The following MARVELD2 variants were observed in gnomAD, a reference collection of about 807,000 sequenced individuals.
MARVELD2 encodes the protein MARVEL domain-containing protein 2.
MARVELD2 carries 49 observed loss-of-function variants against 57.6 expected under a neutral mutation model. That is an observed-to-expected ratio of 0.85 (90% CI 0.68 to 1.08). The LOEUF is 1.08. Ranked by LOEUF, MARVELD2 falls within the 50% of genes least tolerant of loss-of-function variation. MARVELD2 has a pLI of 0.00. For missense variants in MARVELD2, 606 were observed against 701.1 expected, an observed-to-expected ratio of 0.86 and a Z score of 1.53; for synonymous variants, 238 against 258.8, an observed-to-expected ratio of 0.92 and a Z score of 0.77.
intron 3 of MARVELD2, 108 bp from the exon 4 acceptor site, chr5:69,432,419 G>C: frequency 7.8e-7 from 1 of 1,274,718 alleles, no homozygotes; most frequent in Non-Finnish European, 1.1e-6. Context: ...AGGATTACAG[G>C]TTTGAGCCAC....
intron 5 of MARVELD2, among the ~76,000 whole-genome samples, chr5:69,433,425 T>TC (rs1767033444): frequency 6.6e-6 from 1 of 151,250 alleles, no homozygotes; most frequent in African/African-American, 2.4e-5. Flanking sequence ...GTGCTGGGAT[T>TC]ACAGTCATGA....
At chr5:69,429,306 T>G (rs1425481551) in intron 3 of MARVELD2, among the ~76,000 whole-genome samples, 1 of 152,176 alleles carries the variant, frequency 6.6e-6, no homozygotes, top group Non-Finnish European at 1.5e-5. Context: ...GAGCTAATAT[T>G]AAACCAAAGC....
At chr5:69,419,042 C>T (rs1766513583) in intron 1 of MARVELD2, 1 of 375,354 alleles carries the variant, frequency 2.7e-6, no homozygotes, top group East Asian at 5.9e-5. Flanking sequence ...GTCTATACCT[C>T]AGCCACCTGA....
At chr5:69,430,018 A>G (rs548160878) in intron 3 of MARVELD2, among the ~76,000 whole-genome samples, 1 of 151,956 alleles carries the variant, frequency 6.6e-6, no homozygotes, top group Non-Finnish European at 1.5e-5. Flanking sequence ...TAATCCTCCC[A>G]CCTCAGACTC....
chr5:69,436,359 A>C (rs1370253603), intron 5 of MARVELD2, among the ~76,000 whole-genome samples: 2 of 150,908 alleles, frequency 1.3e-5, no homozygotes, highest in Admixed American at 1.3e-4. Context: ...AAAAAAAACC[A>C]AAAAACAAAC....
intron 1 of MARVELD2, among the ~76,000 whole-genome samples, chr5:69,417,026 A>G (rs1766451101): frequency 6.6e-6 from 1 of 152,208 alleles, no homozygotes; most frequent in Non-Finnish European, 1.5e-5. Flanking sequence ...CAGTTCTACT[A>G]TTCACCTTCT....
Position 69,441,573 on chromosome 5 carries a change from A to G in MARVELD2, c.1596A>G (p.Leu532=). The change falls in exon 7 of 7, where the codon CTA becomes CTG. Residue 532 remains leucine, a synonymous_variant. Transcript: ENST00000325631. ...AAAAAAAAGAACGCTGTGATTACCTAAAGAATAAACTTTCTCACATAAAGC... is the reference window on the plus strand; with the variant it reads ...AAAAAAAAGAACGCTGTGATTACCTGAAGAATAAACTTTCTCACATAAAGC... ...FLEKKERCDY[L]KNKLSHIKQR... 1 of 1,604,938 alleles carries G rather than the reference A, an allele frequency of 6.2e-7. No individual in the cohort carries two copies. The highest frequency in any genetic ancestry group is 8.5e-7 in the Non-Finnish European group (1 of 1,172,042).
rs1456275753 is a variant in MARVELD2 at position 69,432,552 on chromosome 5, G to T, written c.1208G>T (p.Arg403Ile). 48 of 1,614,052 alleles carry T rather than the reference G, an allele frequency of 3.0e-5. No individual in the cohort carries two copies. Among genetic ancestry groups the T allele is most frequent in the Non-Finnish European group, 4.0e-5 (47 of 1,180,040 alleles). Residue 403 changes from arginine to isoleucine, a missense_variant, in exon 4 of 7, where the codon AGA (arginine) becomes ATA (isoleucine). Arg to Ile is a moderately conservative substitution (Grantham distance 97). Coordinates refer to ENST00000325631, the MANE Select transcript of MARVELD2 (RefSeq NM_001038603.3). ...TGTGAAATGGCCACCAGTGGTGACA[G>T]ACAAAGAGACTCAGAAGTTAATTTC... ...KMCEMATSGDRQRDSEVNFKE... is the reference protein window; with the variant it reads ...KMCEMATSGDIQRDSEVNFKE...
intron 1 of MARVELD2, among the ~76,000 whole-genome samples, chr5:69,417,750 C>T (rs551365247): frequency 3.3e-5 from 5 of 151,876 alleles, no homozygotes; most frequent in East Asian, 1.9e-4. Flanking sequence ...AAGATCATCC[C>T]GGCTAACATG....
rs557194555 is a variant in MARVELD2, at chr5:69,425,250, C to G, written c.1182+614C>G. Reference sequence around the variant, plus strand: ...CACACTCTGGGGACTGTGGTGGGGTCGGGGGAGCGGGGAGGGATAGCATTG... The same window carrying G: ...CACACTCTGGGGACTGTGGTGGGGTGGGGGGAGCGGGGAGGGATAGCATTG... On this transcript the variant is annotated intron_variant, in intron 3 of 6. Coordinates refer to ENST00000325631, the MANE Select transcript of MARVELD2 (RefSeq NM_001038603.3). 2.8e-3 allele frequency among the ~76,000 whole-genome samples: 270 copies of G among 97,730 alleles called. 2 individuals are homozygous for G. The highest frequency in any genetic ancestry group is 0.015 in the Middle Eastern group (2 of 136). The allele number at this position is 97,730 out of a possible 152,430, so 64.1% of individuals were successfully genotyped here.
chr5:69,424,238 C>T (rs1766712766), intron 2 of MARVELD2, among the ~76,000 whole-genome samples: 1 of 152,110 alleles, frequency 6.6e-6, no homozygotes, highest in Non-Finnish European at 1.5e-5. Context: ...GATGTAATGG[C>T]CTAGGGCTTT....
At chr5:69,435,752 CAAAAAAAAAA>C (rs35281029) in intron 5 of MARVELD2, among the ~76,000 whole-genome samples, 5 of 64,788 alleles carry the variant, frequency 7.7e-5, no homozygotes, top group Non-Finnish European at 8.2e-5. Context: ...GACCCTGTCT[CAAAAAAAAAA>C]AAAAAAAAAA....
In MARVELD2 at chr5:69,419,868, T is replaced by C; in HGVS notation, c.483T>C (p.Ser161=). The change falls in exon 2 of 7, where the codon TCT becomes TCC. Residue 161 remains serine (S), a synonymous_variant. Transcript: ENST00000325631. The part of the protein sequence containing the change: ...DAVFPRDPYG[S]LDRHTQTVRT... ...TGTTTCCCCGGGATCCCTATGGATC[T>C]CTAGACCGACACACACAAACAGTTC... 1 of 1,614,144 alleles carries C rather than the reference T, an allele frequency of 6.2e-7. No homozygotes were observed. Among genetic ancestry groups the C allele is most frequent in the Non-Finnish European group, 8.5e-7 (1 of 1,180,022 alleles).
chr5:69,443,156 A>G lies in MARVELD2; in HGVS notation c.*1502A>G, dbSNP rs1767374808. 1 of 150,232 alleles carries G rather than the reference A, an allele frequency of 6.7e-6. No individual in the cohort carries two copies. The highest frequency in any genetic ancestry group is 2.5e-5 in the African/African-American group (1 of 40,812). 9.3% of individuals were successfully genotyped at this position (150,232 alleles called of 1,614,324 possible). A position where few individuals can be genotyped will look rare whatever the true frequency, so the allele number is the denominator to read the frequency against. On this transcript the variant is annotated 3_prime_UTR_variant, in exon 7 of 7. Transcript: ENST00000325631. Reference sequence around the variant, plus strand: ...TATTGCTTTTCTATTCCCTTTGGACATACATGCTACAGTCCCACAATGTAG... The same window carrying G: ...TATTGCTTTTCTATTCCCTTTGGACGTACATGCTACAGTCCCACAATGTAG...
Position 69,419,543 on chromosome 5 carries a change from T to G in MARVELD2, c.158T>G (p.Leu53Ter), listed in dbSNP as rs2150912887. The change falls in exon 2 of 7, where the codon TTA (leucine) becomes TGA (stop). Residue 53 changes from leucine (L) to a stop codon, truncating the protein, a stop_gained. Transcript: ENST00000325631. LOFTEE classifies it high-confidence loss of function. The stretch of plus-strand genomic sequence containing the variant: ...CCCTTGCCACCACCCCCTCTCCCAT[T>G]ACAGCCACCATTCGGCCCAGACTTC... ...ADPLPPPPLP[L>*]QPPFGPDFYS... 6.2e-7 allele frequency: 1 copy of G among 1,614,102 alleles called. No homozygotes were observed. The highest frequency in any genetic ancestry group is 1.3e-5 in the African/African-American group (1 of 75,028).
intron 5 of MARVELD2, among the ~76,000 whole-genome samples, chr5:69,436,445 AC>A (rs1767143763): frequency 7.0e-6 from 1 of 142,728 alleles, no homozygotes; most frequent in South Asian, 2.3e-4. Flanking sequence ...ACACACACAC[AC>A]ACACACATAT....
intron 1 of MARVELD2, chr5:69,415,691 C>T (rs1039412353): frequency 6.6e-6 from 1 of 152,208 alleles, no homozygotes; most frequent in African/African-American, 2.4e-5. Context: ...CGAAATCTAC[C>T]CGTTTCTTGG....
intron 5 of MARVELD2, among the ~76,000 whole-genome samples, chr5:69,434,832 G>A (rs2150928851): frequency 6.6e-6 from 1 of 151,652 alleles, no homozygotes; most frequent in Middle Eastern, 3.4e-3. Flanking sequence ...AAGTAGCTGG[G>A]ATTCAGGCAT....
In MARVELD2 at chr5:69,420,240, C is replaced by A; in HGVS notation, c.855C>A (p.Asp285Glu). The A allele has an allele frequency of 1.2e-6, 2 of 1,614,096 alleles. No individual in the cohort carries two copies. Among genetic ancestry groups the A allele is most frequent in the South Asian group, 2.2e-5 (2 of 91,078 alleles). ...MSMYYRTILL[D>E]SNWWPLTEFG... ...TGTATTACCGGACCATTCTTCTGGA[C>A]TCTAATTGGTGGCCCCTAACTGAAT... The change falls in exon 2 of 7, where the codon GAC (aspartate) becomes GAA (glutamate). Residue 285 changes from aspartate to glutamate, a missense_variant. Coordinates refer to ENST00000325631, the MANE Select transcript of MARVELD2 (RefSeq NM_001038603.3).
Sources: gnomAD v4.1 joint callset for allele counts (sites outside exome capture counted in the v4.1 genomes callset) on GRCh38, gnomAD v4.1.1 for gene constraint, MANE v1.5 for transcripts, NCBI Gene and HGNC (gene_info 2026-07-23, HGNC 2026-07-21) for gene names.